DLG1: variants seen among roughly 807,000 people sequenced by gnomAD.
DLG1 encodes the protein disks large homolog 1.
DLG1 carries 42 observed loss-of-function variants against 123.4 expected under a neutral mutation model. The ratio of observed to expected loss-of-function variants is 0.34; its 90% CI spans 0.27 to 0.44. The LOEUF is 0.44. Among genes scored for constraint, DLG1 ranks in the 20% least tolerant of loss-of-function variants. The pLI is 1.00. For missense variants in DLG1, 942 were observed against 1,082.6 expected (o/e 0.87, Z 1.82); for synonymous variants, 317 against 356.2 (o/e 0.89, Z 1.24).
intron 14 of DLG1, among the ~76,000 whole-genome samples, chr3:197,102,254 A>T (rs1002208122): frequency 6.6e-6 from 1 of 152,234 alleles, no homozygotes; most frequent in Non-Finnish European, 1.5e-5. Flanking sequence ...AACCCATAAA[A>T]GTACTTTTTT....
chr3:197,278,948 G>A (rs1376142990), intron 4 of DLG1, among the ~76,000 whole-genome samples: 1 of 152,184 alleles, frequency 6.6e-6, no homozygotes, highest in African/African-American at 2.4e-5. Flanking sequence ...CCAAGAATTA[G>A]TACACAAGTA....
intron 4 of DLG1, among the ~76,000 whole-genome samples, chr3:197,212,431 C>T (rs1266043746): frequency 6.6e-6 from 1 of 152,162 alleles, no homozygotes. Context: ...CATGACTGTT[C>T]GCACTGAAAA....
intron 13 of DLG1, among the ~76,000 whole-genome samples, chr3:197,112,091 C>G (rs1035113578): frequency 6.6e-6 from 1 of 152,198 alleles, no homozygotes. Context: ...ACCATTTACA[C>G]GTCCACTAGT....
At position 197,140,141 on chromosome 3, in the gene DLG1, G is replaced by A. The variant is rs748689354; in HGVS notation, c.712C>T (p.Arg238Trp). 1.5e-5 allele frequency: 24 copies of A among 1,611,692 alleles called. No individual in the cohort carries two copies. The South Asian group carries it at 1.7e-4, about 11-fold the overall frequency. ...CACAATAAAAAGCGCAAAACATACC[G>A]CAATCTTCCATCTTGGGCGGCTGCT... ...GGAAAQDGRL[R>W]VNDCILRVNE... Residue 238 changes from arginine (R) to tryptophan (W), a missense_variant and splice_region_variant, in exon 8 of 25, where the codon CGG becomes TGG. Physicochemically the swap from Arg to Trp is moderately radical, Grantham distance 101 (BLOSUM62 -3). Transcript: ENST00000667157.
intron 5 of DLG1, among the ~76,000 whole-genome samples, chr3:197,191,373 C>T (rs1461244886): frequency 2.0e-5 from 3 of 152,098 alleles, no homozygotes; most frequent in African/African-American, 2.4e-5. Context: ...TAGGCAACAA[C>T]GGAAAGCTGA....
intron 6 of DLG1, among the ~76,000 whole-genome samples, chr3:197,147,444 A>G (rs949344580): frequency 4.8e-5 from 7 of 144,554 alleles, no homozygotes; most frequent in East Asian, 2.0e-4. Context: ...ACACACACAC[A>G]CACACACACA....
intron 4 of DLG1, among the ~76,000 whole-genome samples, chr3:197,269,597 T>C (rs879064317): frequency 2.0e-5 from 3 of 152,132 alleles, no homozygotes; most frequent in Admixed American, 2.0e-4. Flanking sequence ...TTCTAATCAG[T>C]TTTTCTATAG....
At chr3:197,075,788 T>A (rs749965787) in intron 18 of DLG1, 13 of 1,540,262 alleles carry the variant, frequency 8.4e-6, no homozygotes, top group Non-Finnish European at 9.9e-6. Flanking sequence ...ATAAGGTAGG[T>A]CTGCAGATGG....
chr3:197,256,155 A>ATATC (rs1295844656), intron 4 of DLG1, among the ~76,000 whole-genome samples: 10 of 152,242 alleles, frequency 6.6e-5, no homozygotes, highest in Non-Finnish European at 1.0e-4. Flanking sequence ...CTTTTTAGAT[A>ATATC]TATCTTCTGC....
intron 19 of DLG1, among the ~76,000 whole-genome samples, chr3:197,067,298 T>TA (rs1360018868): frequency 3.3e-5 from 5 of 151,876 alleles, no homozygotes; most frequent in Middle Eastern, 3.2e-3. Flanking sequence ...CTCAACTTTG[T>TA]AAAAAAATAA....
At chr3:197,086,315 G>C (rs1280503917) in intron 15 of DLG1, among the ~76,000 whole-genome samples, 2 of 152,186 alleles carry the variant, frequency 1.3e-5, no homozygotes, top group East Asian at 3.9e-4. Flanking sequence ...AAATATTTTG[G>C]AGAAAGTAAT....
chr3:197,227,150 C>T (rs1290838465), intron 4 of DLG1, among the ~76,000 whole-genome samples: 1 of 152,146 alleles, frequency 6.6e-6, no homozygotes, highest in Non-Finnish European at 1.5e-5. Flanking sequence ...CTAAGTACTA[C>T]ATCTATATTG....
At chr3:197,297,424 C>A (rs996106495) in intron 1 of DLG1, 189 bp from the exon 2 acceptor site, 1 of 1,412,800 alleles carries the variant, frequency 7.1e-7, no homozygotes, top group Admixed American at 3.0e-5. Flanking sequence ...GGAGTGGGTA[C>A]CCCTCCAAAT....
intron 4 of DLG1, among the ~76,000 whole-genome samples, chr3:197,243,895 C>T (rs550649590): frequency 2.6e-5 from 4 of 152,264 alleles, no homozygotes; most frequent in East Asian, 1.9e-4. Context: ...AAAGGACCCA[C>T]GAGGGACATC....
chr3:197,206,564 G>A (rs1014802688), intron 4 of DLG1, among the ~76,000 whole-genome samples: 1 of 152,150 alleles, frequency 6.6e-6, no homozygotes, highest in Non-Finnish European at 1.5e-5. Context: ...GCCTCCCAAA[G>A]TGTTAGGATT....
chr3:197,232,726 T>C (rs1743881137), intron 4 of DLG1, among the ~76,000 whole-genome samples: 2 of 151,472 alleles, frequency 1.3e-5, no homozygotes, highest in Admixed American at 6.6e-5. Flanking sequence ...GCACAGTTGA[T>C]CCTAAAATTA....
intron 4 of DLG1, among the ~76,000 whole-genome samples, chr3:197,254,191 C>T (rs1292886970): frequency 6.6e-6 from 1 of 152,194 alleles, no homozygotes; most frequent in Non-Finnish European, 1.5e-5. Context: ...CATTAGATCG[C>T]CTTCATGGGG....
intron 6 of DLG1, among the ~76,000 whole-genome samples, chr3:197,147,844 AT>A (rs1791721943): frequency 6.6e-6 from 1 of 150,794 alleles, no homozygotes; most frequent in Admixed American, 6.7e-5. Context: ...AAAACAAAAA[AT>A]AAAATCCTGA....
intron 4 of DLG1, among the ~76,000 whole-genome samples, chr3:197,250,837 T>A (rs1273891561): frequency 6.8e-6 from 1 of 146,450 alleles, no homozygotes; most frequent in Non-Finnish European, 1.5e-5. Flanking sequence ...CTACCAAAAA[T>A]ACAAACATTA....
Sources: gnomAD v4.1 joint callset for allele counts (sites outside exome capture counted in the v4.1 genomes callset) on GRCh38, gnomAD v4.1.1 for gene constraint, MANE v1.5 for transcripts, NCBI Gene and HGNC (gene_info 2026-07-23, HGNC 2026-07-21) for gene names.